Variants in NRG1 observed in about 807,000 individuals in gnomAD.
NRG1 encodes the protein neuregulin 1.
Under a neutral mutation model 63.8 loss-of-function variants are expected in NRG1, and 18 were observed. That is an observed-to-expected ratio of 0.28 (90% confidence interval 0.19 to 0.42). NRG1 has a LOEUF of 0.42. Ranked by LOEUF, NRG1 falls within the 10% of genes least tolerant of loss-of-function variation. NRG1 has a pLI of 1.00. For synonymous variants in NRG1, 302 were observed against 301.3 expected (o/e 1.00, Z -0.02); for missense variants, 762 against 814.7 (o/e 0.94, Z 0.79).
At chr8:32,343,976 C>T (rs1220709313) in intron 1 of NRG1, among the ~76,000 whole-genome samples, 2 of 152,178 alleles carry the variant, frequency 1.3e-5, no homozygotes, top group Admixed American at 6.5e-5. Flanking sequence ...CTCAATCTTC[C>T]ATGCACATAA....
At chr8:32,713,068 C>T (rs574521442) in intron 5 of NRG1, among the ~76,000 whole-genome samples, 15 of 152,274 alleles carry the variant, frequency 9.9e-5, no homozygotes, top group South Asian at 4.1e-4. Context: ...TTTTCTCTTT[C>T]GACCTTTGTG....
intron 1 of NRG1, among the ~76,000 whole-genome samples, chr8:32,430,282 A>G (rs11774782): frequency 0.39 from 59,100 of 152,048 alleles, 11,724 homozygotes; most frequent in Admixed American, 0.49. Flanking sequence ...AGAACTATTT[A>G]TGCTTACTCA....
chr8:32,524,683 C>T (rs150199859), intron 1 of NRG1, among the ~76,000 whole-genome samples: 183 of 152,156 alleles, frequency 1.2e-3, no homozygotes, highest in African/African-American at 4.1e-3. Context: ...TCATGGAAAC[C>T]GAATTTCCTA....
chr8:31,904,209 G>A (rs1254858528), intron 1 of NRG1, among the ~76,000 whole-genome samples: 1 of 152,108 alleles, frequency 6.6e-6, no homozygotes, highest in African/African-American at 2.4e-5. Context: ...TTCAAGCCCT[G>A]AAGAACTGAC....
chr8:32,096,336 G>A lies in NRG1; in HGVS notation c.37+456905G>A, dbSNP rs188012771. ...AACTATACATATTTATGGGATACAT[G>A]TGATATTTTGATATACACATACAAT... On this transcript the variant is annotated intron_variant, in intron 1 of 10. Transcript: ENST00000519301. Among the ~76,000 whole-genome samples the A allele has an allele frequency of 1.3e-4, 20 of 152,282 alleles. 1 individual carries two copies. The highest frequency in any genetic ancestry group is 3.9e-4 in the East Asian group (2 of 5,186).
At chr8:31,849,548 C>T (rs371405921) in intron 1 of NRG1, among the ~76,000 whole-genome samples, 187 of 152,294 alleles carry the variant, frequency 1.2e-3, no homozygotes, top group Non-Finnish European at 2.3e-3. Flanking sequence ...ATATTTTATC[C>T]TTGCCCCCTA....
chr8:32,516,953 G>A (rs1324222879), intron 1 of NRG1, among the ~76,000 whole-genome samples: 1 of 150,642 alleles, frequency 6.6e-6, no homozygotes, highest in East Asian at 1.9e-4. Context: ...TAGCAGATTG[G>A]AAAGATACTT....
At chr8:32,668,953 T>G (rs957250498) in intron 5 of NRG1, among the ~76,000 whole-genome samples, 4 of 152,192 alleles carry the variant, frequency 2.6e-5, no homozygotes, top group Non-Finnish European at 5.9e-5. Context: ...TCCTTGATGT[T>G]CCTTGATAGA....
intron 1 of NRG1, among the ~76,000 whole-genome samples, chr8:32,340,204 TA>T (rs971415053): frequency 2.0e-5 from 3 of 152,178 alleles, no homozygotes; most frequent in African/African-American, 7.2e-5. Context: ...AATACACATG[TA>T]AAAAATAAAA....
intron 1 of NRG1, among the ~76,000 whole-genome samples, chr8:31,704,171 A>G (rs766186968): frequency 3.3e-5 from 5 of 152,230 alleles, no homozygotes; most frequent in Non-Finnish European, 7.3e-5. Context: ...AGATGTGACT[A>G]TCTCTACATA....
chr8:31,894,196 G>A (rs987393601), intron 1 of NRG1, among the ~76,000 whole-genome samples: 1 of 152,154 alleles, frequency 6.6e-6, no homozygotes, highest in Non-Finnish European at 1.5e-5. Context: ...ACAACAAAAT[G>A]TTAAGGACTT....
At chr8:32,235,143 C>T (rs1241036774) in intron 1 of NRG1, among the ~76,000 whole-genome samples, 1 of 145,620 alleles carries the variant, frequency 6.9e-6, no homozygotes, top group Non-Finnish European at 1.5e-5. Flanking sequence ...CCTGTAATCC[C>T]AGTGCTTTGG....
intron 1 of NRG1, among the ~76,000 whole-genome samples, chr8:32,276,901 C>T (rs768458484): frequency 5.9e-5 from 9 of 152,144 alleles, no homozygotes; most frequent in Non-Finnish European, 8.8e-5. Context: ...ACAGCCACAA[C>T]GAATGCCACT....
At chr8:32,719,878 G>A (rs1399247807) in intron 5 of NRG1, among the ~76,000 whole-genome samples, 1 of 151,974 alleles carries the variant, frequency 6.6e-6, no homozygotes, top group African/African-American at 2.4e-5. Context: ...GTATGTGGAT[G>A]TTTGATTAAA....
intron 1 of NRG1, among the ~76,000 whole-genome samples, chr8:31,797,937 G>A (rs1487973109): frequency 6.6e-6 from 1 of 152,172 alleles, no homozygotes; most frequent in Non-Finnish European, 1.5e-5. Context: ...GGCATAGAAG[G>A]ATAAATACTG....
chr8:32,328,801 A>C (rs1302391563), intron 1 of NRG1, among the ~76,000 whole-genome samples: 1 of 152,168 alleles, frequency 6.6e-6, no homozygotes, highest in East Asian at 1.9e-4. Flanking sequence ...GGAAAAGCAT[A>C]AATCATCTTG....
chr8:32,767,793 T>G (rs1040247867), exon 12 of NRG1: 2 of 152,190 alleles, frequency 1.3e-5, no homozygotes, highest in Admixed American at 6.5e-5. Flanking sequence ...AAAGAATGTA[T>G]ATGTAACTGA....
intron 5 of NRG1, among the ~76,000 whole-genome samples, chr8:32,695,142 C>T (rs1239350477): frequency 1.3e-5 from 2 of 151,982 alleles, no homozygotes; most frequent in South Asian, 4.2e-4. Flanking sequence ...ATTGCTTGAG[C>T]CCAGGAGTTT....
At chr8:32,336,636 G>A (rs1009140129) in intron 1 of NRG1, among the ~76,000 whole-genome samples, 2 of 152,154 alleles carry the variant, frequency 1.3e-5, no homozygotes, top group African/African-American at 2.4e-5. Context: ...TTGAGACAAA[G>A]TCTTGCTCTG....
Sources: allele counts gnomAD v4.1 joint callset (sites outside exome capture counted in the v4.1 genomes callset), GRCh38; gene constraint gnomAD v4.1.1; transcripts MANE v1.5; gene names NCBI Gene and HGNC (gene_info 2026-07-23, HGNC 2026-07-21).